MYH13: variants seen among roughly 807,000 people sequenced by gnomAD.
MYH13 encodes the protein myosin heavy chain 13, also known as myosin-13.
A neutral mutation model predicts 232.1 loss-of-function variants in MYH13; 177 were observed. The observed-to-expected ratio is 0.76, with a 90% CI of 0.67 to 0.86. The LOEUF (loss-of-function observed/expected upper bound fraction) is 0.86. MYH13 is among the 40% of genes least tolerant of loss of function. The pLI, the probability that MYH13 is intolerant of heterozygous loss-of-function variation, is 0.00. For missense variants in MYH13, 2,246 were observed against 2,405.9 expected, an observed-to-expected ratio of 0.93 and a Z score of 1.39; for synonymous variants, 884 against 923.5, an observed-to-expected ratio of 0.96 and a Z score of 0.78.
Position 10,340,391 on chromosome 17 carries a change from T to C in MYH13, c.1905A>G (p.Gly635=). 3 of 1,613,528 alleles carry C rather than the reference T, an allele frequency of 1.9e-6. No homozygotes were observed. Among genetic ancestry groups the C allele is most frequent in the Non-Finnish European group, 2.5e-6 (3 of 1,179,652 alleles). Residue 635 remains glycine (G), a synonymous_variant, in exon 17 of 41, where the codon GGA becomes GGG. Coordinates refer to ENST00000252172, the MANE Select transcript of MYH13 (RefSeq NM_003802.3). Reference sequence around the variant, plus strand: ...TCTTCTTCCCGCCCTTCTTGCTTCCTCCGGAGTCGCCTGGAGACAGACACA... The same window carrying C: ...TCTTCTTCCCGCCCTTCTTGCTTCCCCCGGAGTCGCCTGGAGACAGACACA... The part of the protein sequence containing the change: ...NYAGAETGDS[G]GSKKGGKKKG...
Position 10,364,518 on chromosome 17 carries a change from C to T in MYH13, c.13G>A (p.Ala5Thr), listed in dbSNP as rs777976810. ...GCTTCTCCAAAAATGGCCATTTCTG[C>T]GTCAGAGCTCATGACTGCAGAGGGC... MSSDAEMAIFGEAAP... is the reference protein window; with the variant it reads MSSDTEMAIFGEAAP... The change falls in exon 3 of 41, where the codon GCA (alanine) becomes ACA (threonine). Residue 5 changes from alanine to threonine, a missense_variant. Coordinates refer to ENST00000252172, the MANE Select transcript of MYH13 (RefSeq NM_003802.3). 27 of 1,594,792 alleles carry T rather than the reference C, an allele frequency of 1.7e-5. No individual in the cohort carries two copies. The highest frequency in any genetic ancestry group is 1.6e-4 in the African/African-American group (12 of 74,664).
intron 19 of MYH13, among the ~76,000 whole-genome samples, chr17:10,332,529 C>T (rs932935360): frequency 6.6e-6 from 1 of 152,198 alleles, no homozygotes; most frequent in Non-Finnish European, 1.5e-5. Flanking sequence ...TGAAATCAAC[C>T]GTGACCTGTA....
rs61543278 is a variant in MYH13, at chr17:10,326,981, GTTTTTTTTTT to G, written c.2691+875_2691+884del. 6.0e-3 allele frequency among the ~76,000 whole-genome samples: 336 copies of G among 55,814 alleles called. 67 individuals carry two copies. Among genetic ancestry groups the G allele is most frequent in the Non-Finnish European group, 8.6e-3 (284 of 32,972 alleles). 36.6% of individuals were successfully genotyped at this position (55,814 alleles called of 152,430 possible). A position where few individuals can be genotyped will look rare whatever the true frequency, so the allele number is the denominator to read the frequency against. Reference sequence around the variant, plus strand: ...GAGACATGCACCACCATGCCTACTAGTTTTTTTTTTTTTTTTTTTTTTTTTTTTTTTTTTT... The same window carrying G: ...GAGACATGCACCACCATGCCTACTAGTTTTTTTTTTTTTTTTTTTTTTTTT... On this transcript the variant is annotated intron_variant, in intron 22 of 40. Coordinates refer to ENST00000252172, the MANE Select transcript of MYH13 (RefSeq NM_003802.3).
chr17:10,308,136 C>A (rs2142218521), intron 35 of MYH13, among the ~76,000 whole-genome samples: 1 of 152,038 alleles, frequency 6.6e-6, no homozygotes, highest in Non-Finnish European at 1.5e-5. Context: ...ACAATCCTGG[C>A]CAACATGGTG....
At chr17:10,332,321 G>A (rs897653683) in intron 19 of MYH13, 99 bp from the exon 20 acceptor site, 84 of 1,479,180 alleles carry the variant, frequency 5.7e-5, no homozygotes, top group Non-Finnish European at 7.6e-5. Flanking sequence ...AGCCTTAGGA[G>A]GAAGTGGAAT....
chr17:10,320,747 T>C, intron 24 of MYH13, among the ~76,000 whole-genome samples: 1 of 152,184 alleles, frequency 6.6e-6, no homozygotes, highest in East Asian at 1.9e-4. Flanking sequence ...GATTCCCACC[T>C]GGCCTGGCCC....
At position 10,364,485 on chromosome 17, in the gene MYH13, A is replaced by C. The variant is rs376730859; in HGVS notation, c.46T>G (p.Tyr16Asp). 2.0e-4 allele frequency: 314 copies of C among 1,609,848 alleles called. No homozygotes were observed. The highest frequency in any genetic ancestry group is 2.5e-4 in the Non-Finnish European group (293 of 1,177,950). The change falls in exon 3 of 41, where the codon TAC (tyrosine) becomes GAC (aspartate). Residue 16 changes from tyrosine to aspartate, a missense_variant. By Grantham distance (160) the Tyr-to-Asp change is radical. Coordinates refer to ENST00000252172, the MANE Select transcript of MYH13 (RefSeq NM_003802.3). ...EMAIFGEAAP[Y>D]LRKPEKERIE... ...CTCTCCTTCTCTGGTTTCCGGAGGT[A>C]GGGAGCTGCTTCTCCAAAAATGGCC...
intron 37 of MYH13, 45 bp from the exon 38 acceptor site, chr17:10,303,543 G>C (rs1241006831): frequency 1.9e-5 from 29 of 1,552,432 alleles, no homozygotes; most frequent in Non-Finnish European, 2.4e-5. Context: ...TCCTCTCCCA[G>C]GCTTCTCTCA....
chr17:10,345,636 C>T lies in MYH13; in HGVS notation c.1264-20G>A, dbSNP rs372721407. ...GGTCACCTTGAAAAAGGATCACCCACTCAACCCTTGAGTTAGTGTTTCTAT... is the reference window on the plus strand; with the variant it reads ...GGTCACCTTGAAAAAGGATCACCCATTCAACCCTTGAGTTAGTGTTTCTAT... On this transcript the variant is annotated intron_variant, in intron 13 of 40. Transcript: ENST00000252172. 4.1e-5 allele frequency: 66 copies of T among 1,614,204 alleles called. No homozygotes were observed. Among genetic ancestry groups the T allele is most frequent in the Non-Finnish European group, 5.1e-5 (60 of 1,180,036 alleles).
chr17:10,327,426 A>G (rs2320791), intron 22 of MYH13, among the ~76,000 whole-genome samples: 90,244 of 151,868 alleles, frequency 0.59, 27,218 homozygotes, highest in Non-Finnish European at 0.66. Flanking sequence ...GCTTACAGGC[A>G]TGAGCTACCA....
intron 12 of MYH13, among the ~76,000 whole-genome samples, chr17:10,347,590 C>T (rs879266063): frequency 1.3e-5 from 2 of 151,918 alleles, no homozygotes; most frequent in Non-Finnish European, 1.5e-5. Context: ...CTGTTTCCTA[C>T]AGTTCATGGG....
chr17:10,344,770 G>A (rs938104023), intron 15 of MYH13, among the ~76,000 whole-genome samples: 6 of 145,438 alleles, frequency 4.1e-5, no homozygotes, highest in Non-Finnish European at 7.4e-5. Flanking sequence ...GCAGTGATCC[G>A]AGACTGCACC....
chr17:10,326,474 T>G (rs944315925), intron 22 of MYH13, among the ~76,000 whole-genome samples: 9 of 151,942 alleles, frequency 5.9e-5, no homozygotes, highest in African/African-American at 2.2e-4. Context: ...TCTTTCTTTC[T>G]TTTTTCTTTT....
chr17:10,355,971 C>T (rs1769529332), intron 8 of MYH13, among the ~76,000 whole-genome samples: 2 of 151,652 alleles, frequency 1.3e-5, no homozygotes, highest in Admixed American at 1.3e-4. Flanking sequence ...AGGCTCAGGC[C>T]TGGCTCCCTG....
intron 1 of MYH13, among the ~76,000 whole-genome samples, chr17:10,372,104 C>T (rs994993166): frequency 2.6e-5 from 4 of 152,102 alleles, no homozygotes; most frequent in African/African-American, 9.7e-5. Flanking sequence ...CTTCCTTCTC[C>T]GTCTTTAATG....
intron 23 of MYH13, among the ~76,000 whole-genome samples, 189 bp downstream of exon 23, chr17:10,323,833 A>AAGAAGAAGAGTC (rs1409824742): frequency 7.0e-6 from 1 of 142,622 alleles, no homozygotes; most frequent in African/African-American, 2.6e-5. Context: ...GAAGAAGAAG[A>AAGAAGAAGAGTC]GTCTATGGGT....
At chr17:10,337,073 C>T (rs2071581377) in intron 18 of MYH13, among the ~76,000 whole-genome samples, 1 of 152,070 alleles carries the variant, frequency 6.6e-6, no homozygotes, top group South Asian at 2.1e-4. Context: ...CACCACCACG[C>T]CAGGCTAATT....
rs527833042 is a variant in MYH13, at chr17:10,320,383, A to G, written c.3225T>C (p.Asn1075=). 5.6e-6 allele frequency: 9 copies of G among 1,612,510 alleles called. No homozygotes were observed. In the South Asian group the frequency reaches 7.7e-5, roughly 14 times the overall value. Residue 1075 remains asparagine, a synonymous_variant, in exon 25 of 41, where the codon AAT becomes AAC. Coordinates refer to ENST00000252172, the MANE Select transcript of MYH13 (RefSeq NM_003802.3). ...MSQESIMDLE[N]DKQQIEEKLK... is the part of the protein sequence containing the mutation. ...ATTTCTCTTCTATTTGCTGCTTGTC[A>G]TTTTCTAGATCCATAATGGATTCCT...
chr17:10,304,402 C>T lies in MYH13; in HGVS notation c.5467-904G>A, dbSNP rs1201775827. Among the ~76,000 whole-genome samples the T allele has an allele frequency of 1.3e-5, 2 of 152,228 alleles. No individual in the cohort carries two copies. The highest frequency in any genetic ancestry group is 4.8e-5 in the African/African-American group (2 of 41,454). On this transcript the variant is annotated intron_variant, in intron 37 of 40. Transcript: ENST00000252172. The surrounding 1 kb of genome is among the most constrained non-coding windows in gnomAD (Gnocchi z 5.3). Reference sequence around the variant, plus strand: ...TACTGGGCAGAGGCAGCCTCAGGTGCACAGAGCATAGCTGGTGGGTCAGGA... The same window carrying T: ...TACTGGGCAGAGGCAGCCTCAGGTGTACAGAGCATAGCTGGTGGGTCAGGA...
Sources: gnomAD v4.1 joint callset for allele counts (sites outside exome capture counted in the v4.1 genomes callset) on GRCh38, gnomAD v4.1.1 for gene constraint, Gnocchi (gnomAD v3.1) non-coding constraint, MANE v1.5 for transcripts, NCBI Gene and HGNC (gene_info 2026-07-23, HGNC 2026-07-21) for gene names.